Variants in GPC5 observed in about 807,000 individuals in gnomAD.
GPC5 encodes glypican 5.
In GPC5, 47 loss-of-function variants were observed where a neutral mutation model predicts 53.9. The ratio of observed to expected loss-of-function variants is 0.87; its 90% CI spans 0.69 to 1.11. The LOEUF is 1.11. Among genes scored for constraint, GPC5 ranks in the 50% most tolerant of loss-of-function variants. The probability of loss-of-function intolerance (pLI) is 0.00; values close to 1 mark genes in which losing one functional copy is unlikely to be tolerated. For synonymous variants in GPC5, 286 were observed against 263.3 expected, an observed-to-expected ratio of 1.09 and a Z score of -0.84; for missense variants, 748 against 713.1, an observed-to-expected ratio of 1.05 and a Z score of -0.56.
chr13:91,854,378 G>A (rs900993245), intron 5 of GPC5, among the ~76,000 whole-genome samples: 14 of 151,644 alleles, frequency 9.2e-5, no homozygotes, highest in Middle Eastern at 3.4e-3. Flanking sequence ...AGCATTTATC[G>A]TTTGTGTTAC....
chr13:92,427,294 C>T (rs908159620), intron 7 of GPC5, among the ~76,000 whole-genome samples: 1 of 149,124 alleles, frequency 6.7e-6, no homozygotes, highest in Admixed American at 6.8e-5. Flanking sequence ...CAAGTTTGGT[C>T]TCCATTGTTT....
At chr13:91,805,983 C>CATGTT (rs2038212673) in intron 5 of GPC5, among the ~76,000 whole-genome samples, 1 of 144,648 alleles carries the variant, frequency 6.9e-6, no homozygotes, top group African/African-American at 2.6e-5. Flanking sequence ...ATTTCAATAG[C>CATGTT]ATGTTTTGTT....
chr13:92,480,167 A>T (rs1879294563), intron 7 of GPC5, among the ~76,000 whole-genome samples: 1 of 152,142 alleles, frequency 6.6e-6, no homozygotes, highest in South Asian at 2.1e-4. Flanking sequence ...AGAGTGAAAT[A>T]GAATCTTCAA....
At chr13:92,632,567 TTAA>T in intron 7 of GPC5, among the ~76,000 whole-genome samples, 1 of 151,278 alleles carries the variant, frequency 6.6e-6, no homozygotes, top group East Asian at 1.9e-4. Context: ...TTCTGCCCTA[TTAA>T]TCTATATATG....
chr13:91,973,253 T>G (rs758849379), intron 6 of GPC5, among the ~76,000 whole-genome samples: 10 of 152,248 alleles, frequency 6.6e-5, no homozygotes, highest in Non-Finnish European at 1.2e-4. Flanking sequence ...TTCCAGTTGA[T>G]CTCATTGGCT....
At chr13:92,255,146 C>A (rs1019134134) in intron 7 of GPC5, among the ~76,000 whole-genome samples, 2 of 152,072 alleles carry the variant, frequency 1.3e-5, no homozygotes, top group Non-Finnish European at 2.9e-5. Flanking sequence ...TGAGCATCCA[C>A]GGATTTTGAT....
At chr13:91,403,593 G>A (rs1877108678) in intron 1 of GPC5, among the ~76,000 whole-genome samples, 1 of 152,194 alleles carries the variant, frequency 6.6e-6, no homozygotes, top group South Asian at 2.1e-4. Context: ...CAGGTCCCAA[G>A]TGGTCTTGCC....
intron 7 of GPC5, among the ~76,000 whole-genome samples, chr13:92,797,858 TAGATA>T (rs1876748801): frequency 6.7e-6 from 1 of 149,816 alleles, no homozygotes; most frequent in Non-Finnish European, 1.5e-5. Flanking sequence ...GATAGATAGA[TAGATA>T]GATAGATGAT....
chr13:91,875,202 A>T (rs2039189103), intron 5 of GPC5, among the ~76,000 whole-genome samples: 1 of 152,192 alleles, frequency 6.6e-6, no homozygotes, highest in Non-Finnish European at 1.5e-5. Context: ...TACACAAAGC[A>T]GAAATATTAG....
At chr13:91,410,760 A>G (rs1478117073) in intron 1 of GPC5, among the ~76,000 whole-genome samples, 1 of 152,186 alleles carries the variant, frequency 6.6e-6, no homozygotes, top group African/African-American at 2.4e-5. Context: ...TATTTAATAT[A>G]CTAAATATTT....
intron 7 of GPC5, among the ~76,000 whole-genome samples, chr13:92,501,743 G>A (rs1880190710): frequency 6.6e-6 from 1 of 152,092 alleles, no homozygotes. Flanking sequence ...GAGACGTTCT[G>A]TTAAATGTCT....
intron 7 of GPC5, among the ~76,000 whole-genome samples, chr13:92,332,598 CAT>C (rs1192482977): frequency 6.6e-6 from 1 of 152,058 alleles, no homozygotes; most frequent in East Asian, 1.9e-4. Flanking sequence ...AAGCAATCAA[CAT>C]ATGTTAATAA....
intron 5 of GPC5, among the ~76,000 whole-genome samples, chr13:91,815,330 C>T (rs2038382851): frequency 1.3e-5 from 2 of 152,088 alleles, no homozygotes; most frequent in Admixed American, 1.3e-4. Context: ...GATTGCACCA[C>T]TGCACTCCAG....
intron 7 of GPC5, among the ~76,000 whole-genome samples, chr13:92,361,326 C>T (rs895937704): frequency 6.6e-6 from 1 of 151,676 alleles, no homozygotes; most frequent in Non-Finnish European, 1.5e-5. Flanking sequence ...TGACTTCTAT[C>T]TGATCAATTC....
At chr13:91,771,355 T>C (rs2037621703) in intron 5 of GPC5, among the ~76,000 whole-genome samples, 1 of 152,132 alleles carries the variant, frequency 6.6e-6, no homozygotes, top group South Asian at 2.1e-4. Flanking sequence ...AACATCCCAA[T>C]AGAGGGGAAG....
intron 6 of GPC5, among the ~76,000 whole-genome samples, chr13:92,132,727 A>G (rs2041754371): frequency 6.6e-6 from 1 of 152,046 alleles, no homozygotes; most frequent in South Asian, 2.1e-4. Context: ...TAAAGACCCT[A>G]TTTCTAAAGT....
At chr13:91,683,736 T>C (rs2035559628) in intron 2 of GPC5, among the ~76,000 whole-genome samples, 1 of 152,320 alleles carries the variant, frequency 6.6e-6, no homozygotes, top group Middle Eastern at 3.4e-3. Context: ...CTCAAGGAAT[T>C]TCCTCCTGCA....
intron 7 of GPC5, among the ~76,000 whole-genome samples, chr13:92,257,546 A>ATTTGTTTTTTTTTTTTTTTT (rs2042735168): frequency 1.4e-5 from 1 of 72,966 alleles, no homozygotes; most frequent in Non-Finnish European, 2.3e-5. Flanking sequence ...TAATACAGGG[A>ATTTGTTTTTTTTTTTTTTTT]TTTTTTTTTT....
intron 7 of GPC5, among the ~76,000 whole-genome samples, chr13:92,818,441 T>A (rs1877558704): frequency 6.6e-6 from 1 of 151,982 alleles, no homozygotes; most frequent in Non-Finnish European, 1.5e-5. Flanking sequence ...TAAGAAACAA[T>A]GCTTTTCTTA....
Sources: allele counts gnomAD v4.1 joint callset (sites outside exome capture counted in the v4.1 genomes callset), GRCh38; gene constraint gnomAD v4.1.1; transcripts MANE v1.5; gene names NCBI Gene and HGNC (gene_info 2026-07-23, HGNC 2026-07-21).